The following NEAT1 variants were observed in gnomAD, a reference collection of about 807,000 sequenced individuals.
The protein encoded by NEAT1 is MENepsilon/beta.
exon 1 of NEAT1, chr11:65,433,640 T>C (rs1856632527): frequency 6.6e-6 from 1 of 152,284 alleles, no homozygotes; most frequent in East Asian, 1.9e-4. Flanking sequence ...AAAATTTTAA[T>C]GACTAAATAC....
At chr11:65,422,960 A>C (rs1181135764) in exon 1 of NEAT1, 1 of 152,512 alleles carries the variant, frequency 6.6e-6, no homozygotes, top group East Asian at 1.9e-4. Flanking sequence ...GACTAGGTCT[A>C]GGGGGACCAC....
chr11:65,439,632 G>C (rs554055536), exon 1 of NEAT1: 1 of 151,536 alleles, frequency 6.6e-6, no homozygotes, highest in Non-Finnish European at 1.5e-5. Context: ...GTTGCAGTGA[G>C]CTGAGATCAT....
At chr11:65,427,493 C>G (rs1301074593) in exon 1 of NEAT1, 1 of 152,182 alleles carries the variant, frequency 6.6e-6, no homozygotes, top group Admixed American at 6.5e-5. Context: ...TTTGCCTGTG[C>G]CGTTATATCT....
exon 1 of NEAT1, chr11:65,428,686 G>A (rs907799314): frequency 2.6e-5 from 4 of 152,150 alleles, no homozygotes; most frequent in Non-Finnish European, 5.9e-5. Flanking sequence ...TTCCAAGGCA[G>A]GTGGCTGTGA....
chr11:65,444,505 G>T, exon 1 of NEAT1: 1 of 488,900 alleles, frequency 2.0e-6, no homozygotes, highest in East Asian at 6.3e-5. Flanking sequence ...CTTAGCACTA[G>T]CAGGAGGGGC....
exon 1 of NEAT1, chr11:65,435,554 CATCCCTCTGGGTGCAGA>C (rs1856650638): frequency 6.6e-6 from 1 of 152,172 alleles, no homozygotes; most frequent in Admixed American, 6.5e-5. Context: ...ATCTCTTTTG[CATCCCTCTGGGTGCAGA>C]GCTGAGGCAC....
exon 1 of NEAT1, chr11:65,430,466 G>T (rs1856605453): frequency 1.3e-5 from 2 of 152,182 alleles, no homozygotes; most frequent in Non-Finnish European, 2.9e-5. Context: ...CTTCCCAAAG[G>T]AAGTCCCATG....
At chr11:65,429,828 G>A (rs1856598780) in exon 1 of NEAT1, 1 of 152,336 alleles carries the variant, frequency 6.6e-6, no homozygotes, top group South Asian at 2.1e-4. Flanking sequence ...TCCCCGTGGT[G>A]TGTGTTGTGG....
exon 1 of NEAT1, chr11:65,430,552 C>T (rs1020768750): frequency 4.6e-5 from 7 of 152,100 alleles, no homozygotes; most frequent in African/African-American, 1.4e-4. Flanking sequence ...TCTGCTTGTT[C>T]GTGCTCAAAA....
chr11:65,437,195 G>GTATATA (rs71840262), exon 1 of NEAT1: 4 of 129,038 alleles, frequency 3.1e-5, no homozygotes, highest in East Asian at 2.1e-4. Context: ...ATATATATAT[G>GTATATA]TATATATATA....
chr11:65,442,221 C>T (rs769927859), exon 1 of NEAT1: 3 of 152,062 alleles, frequency 2.0e-5, no homozygotes, highest in Non-Finnish European at 4.4e-5. Flanking sequence ...CTGACAGCCT[C>T]GCCTTCACGC....
At chr11:65,425,159 G>A (rs929885281) in exon 1 of NEAT1, 5 of 152,268 alleles carry the variant, frequency 3.3e-5, no homozygotes, top group South Asian at 2.1e-4. Flanking sequence ...GTGAGAAGTT[G>A]CTTAGAAACT....
exon 1 of NEAT1, chr11:65,426,723 A>T (rs1856565797): frequency 6.6e-6 from 1 of 152,128 alleles, no homozygotes; most frequent in Admixed American, 6.6e-5. Context: ...CTGAGTGGGG[A>T]TGGGATCTGC....
chr11:65,432,735 G>T (rs1401109702), exon 1 of NEAT1: 1 of 147,880 alleles, frequency 6.8e-6, no homozygotes, highest in Non-Finnish European at 1.5e-5. Context: ...ATGGCTTTTG[G>T]TCATATAGAT....
chr11:65,423,790 A>C (rs2134884769), exon 1 of NEAT1: 1 of 152,134 alleles, frequency 6.6e-6, no homozygotes, highest in Non-Finnish European at 1.5e-5. Context: ...TGGAGTCGGT[A>C]TTGTTGGTAA....
exon 1 of NEAT1, chr11:65,433,128 C>G (rs1246312955): frequency 6.6e-6 from 1 of 152,004 alleles, no homozygotes; most frequent in Non-Finnish European, 1.5e-5. Context: ...GGTTCCACAT[C>G]TTTGCAATTG....
At chr11:65,437,193 A>ATGTATATATATATATATG (rs1590674471) in exon 1 of NEAT1, 1 of 132,718 alleles carries the variant, frequency 7.5e-6, no homozygotes, top group African/African-American at 3.1e-5. Flanking sequence ...TTATATATAT[A>ATGTATATATATATATATG]TGTATATATA....
exon 1 of NEAT1, chr11:65,434,132 C>T (rs1856637103): frequency 6.6e-6 from 1 of 152,146 alleles, no homozygotes; most frequent in South Asian, 2.1e-4. Context: ...GGATAGAGCT[C>T]ATCATGTGAC....
chr11:65,441,079 T>A (rs1310262742), exon 1 of NEAT1: 1 of 151,998 alleles, frequency 6.6e-6, no homozygotes, highest in Non-Finnish European at 1.5e-5. Context: ...GAAGCAAGTT[T>A]CCGGGTGAAT....
Sources: allele counts gnomAD v4.1 joint callset, GRCh38; gene constraint gnomAD v4.1.1; transcripts MANE v1.5; gene names NCBI Gene and HGNC (gene_info 2026-07-23, HGNC 2026-07-21).